The following ADAMTS15 variants were observed in gnomAD, a reference collection of about 807,000 sequenced individuals.
ADAMTS15 encodes the protein ADAM metallopeptidase with thrombospondin type 1 motif 15, also known as A disintegrin and metalloproteinase with thrombospondin motifs 15.
In ADAMTS15, 35 loss-of-function variants were observed where a neutral mutation model predicts 79.1. The observed-to-expected ratio is 0.44, with a 90% CI of 0.34 to 0.59. The LOEUF is 0.59. ADAMTS15 is among the 20% of genes least tolerant of loss of function. ADAMTS15 has a pLI of 0.02. For missense variants in ADAMTS15, 1,324 were observed against 1,318.7 expected, an observed-to-expected ratio of 1.00 and a Z score of -0.06; for synonymous variants, 616 against 567.3, an observed-to-expected ratio of 1.09 and a Z score of -1.22.
At position 130,472,388 on chromosome 11, in the gene ADAMTS15, A is replaced by G. The variant is rs182408649; in HGVS notation, c.2079-659A>G. On this transcript the variant is annotated intron_variant, in intron 7 of 7. Coordinates refer to ENST00000299164, the MANE Select transcript of ADAMTS15 (RefSeq NM_139055.4). The surrounding 1 kb of genome is among the most constrained non-coding windows in gnomAD (Gnocchi z 4.7). ...TGCAGGGACCTGTGGTGGCAAGGCC[A>G]CGTGGGGAGTGGGAGGTACATACCC... Among the ~76,000 whole-genome samples, 52 of 152,322 alleles carry G rather than the reference A, an allele frequency of 3.4e-4. No individual in the cohort carries two copies. The highest frequency in any genetic ancestry group is 2.5e-3 in the East Asian group (13 of 5,172).
chr11:130,465,267 C>T (rs549371558), intron 4 of ADAMTS15, among the ~76,000 whole-genome samples: 1 of 152,314 alleles, frequency 6.6e-6, no homozygotes, highest in African/African-American at 2.4e-5. Flanking sequence ...CACCTGTTCT[C>T]CACTGTCCCC....
intron 1 of ADAMTS15, among the ~76,000 whole-genome samples, chr11:130,456,285 T>C (rs1938078624): frequency 6.6e-6 from 1 of 152,158 alleles, no homozygotes; most frequent in South Asian, 2.1e-4. Flanking sequence ...TGATTTTTTT[T>C]TTATAGAAGA....
In ADAMTS15 at chr11:130,449,519, C is replaced by A; in HGVS notation, c.546C>A (p.Pro182=). 6.4e-7 allele frequency: 1 copy of A among 1,558,190 alleles called. No homozygotes were observed. The highest frequency in any genetic ancestry group is 2.3e-5 in the East Asian group (1 of 44,008). The stretch of plus-strand genomic sequence containing the variant: ...GCGGGGTGGCCTCGGGCTGGAACCC[C>A]GCCATCCTACGGGCCCTGGACCCTT... ...SRCGVASGWN[P]AILRALDPYK... is the part of the protein sequence containing the mutation. Residue 182 remains proline (P), a synonymous_variant, in exon 1 of 8, where the codon CCC becomes CCA. Transcript: ENST00000299164. This position sits in a 1 kb window ranked among gnomAD's most constrained non-coding sequence, Gnocchi z 7.8.
At chr11:130,458,212 C>T (rs955176228) in intron 1 of ADAMTS15, among the ~76,000 whole-genome samples, 1 of 152,048 alleles carries the variant, frequency 6.6e-6, no homozygotes, top group South Asian at 2.1e-4. Flanking sequence ...CTAGCGGTTT[C>T]TTTCTTTCTT....
chr11:130,464,976 AAAAAAAAAGAAAAAG>A (rs1938271769), intron 4 of ADAMTS15, among the ~76,000 whole-genome samples: 1 of 151,868 alleles, frequency 6.6e-6, no homozygotes, highest in Non-Finnish European at 1.5e-5. Context: ...CAAGGAAAAA[AAAAAAAAAGAAAAAG>A]AAAAAAGTAA....
Position 130,449,112 on chromosome 11 carries a change from G to T in ADAMTS15, c.139G>T (p.Asp47Tyr). The T allele has an allele frequency of 2.5e-6, 4 of 1,586,972 alleles. No individual in the cohort carries two copies. The highest frequency in any genetic ancestry group is 2.6e-6 in the Non-Finnish European group (3 of 1,162,650). Residue 47 changes from aspartate to tyrosine, a missense_variant, in exon 1 of 8, where the codon GAC (aspartate) becomes TAC (tyrosine). Physicochemically the swap from Asp to Tyr is radical, Grantham distance 160. Coordinates refer to ENST00000299164, the MANE Select transcript of ADAMTS15 (RefSeq NM_139055.4). This position sits in a 1 kb window ranked among gnomAD's most constrained non-coding sequence, Gnocchi z 7.8. ...CCGCTACTACTGGCGGGGTCCCGAG[G>T]ACTCCGGGGATCAGGGACTCATTTT... ...GRRYYWRGPE[D>Y]SGDQGLIFQI...
intron 1 of ADAMTS15, among the ~76,000 whole-genome samples, chr11:130,458,914 T>C (rs1401635115): frequency 1.3e-5 from 2 of 152,028 alleles, no homozygotes; most frequent in Non-Finnish European, 1.5e-5. Flanking sequence ...TGCAAGAGCC[T>C]TCATCCCTGC....
Position 130,462,665 on chromosome 11 carries a change from G to A in ADAMTS15, c.1427G>A (p.Gly476Glu). Residue 476 changes from glycine (G) to glutamate (E), a missense_variant, in exon 4 of 8, where the codon GGA (glycine) becomes GAA (glutamate). Transcript: ENST00000299164. This position sits in a 1 kb window ranked among gnomAD's most constrained non-coding sequence, Gnocchi z 4.3. ...CTGTGGTGCACCGGGAAGGCCAAGG[G>A]ACAGATGGTGTGCCAGACCCGCCAC... ...TKLWCTGKAK[G>E]QMVCQTRHFP... 1.1e-5 allele frequency: 18 copies of A among 1,613,664 alleles called. No individual in the cohort carries two copies. The highest frequency in any genetic ancestry group is 1.5e-5 in the Non-Finnish European group (18 of 1,179,676).
intron 5 of ADAMTS15, among the ~76,000 whole-genome samples, chr11:130,470,455 G>C (rs577308520): frequency 1.3e-5 from 2 of 151,532 alleles, no homozygotes; most frequent in Non-Finnish European, 2.9e-5. Context: ...GACCTCTGGT[G>C]ATCTGCCCGT....
intron 5 of ADAMTS15, among the ~76,000 whole-genome samples, chr11:130,470,119 C>CATATATATATATAT (rs1208986843): frequency 3.1e-5 from 2 of 64,016 alleles, no homozygotes; most frequent in African/African-American, 1.3e-4. Flanking sequence ...ATTACTGAAT[C>CATATATATATATAT]ATATATATAT....
rs763974494 is a variant in ADAMTS15, at chr11:130,469,353, A to C, written c.1634A>C (p.Asn545Thr). The C allele has an allele frequency of 4.4e-6, 6 of 1,359,218 alleles. No individual in the cohort carries two copies. The East Asian group carries it at 1.7e-4, about 38-fold the overall frequency. The allele number at this position is 1,359,218 out of a possible 1,614,324, so 84.2% of individuals were successfully genotyped here. A position where few individuals can be genotyped will look rare whatever the true frequency, so the allele number is the denominator to read the frequency against. ...GVQLARRQCT[N>T]PTPANGGKYC... ...CAGCTGGCCAGGAGGCAGTGCACCA[A>C]CCCCACCCCTGCCAACGGGGGCAAG... The change falls in exon 5 of 8, where the codon AAC becomes ACC. Residue 545 changes from asparagine to threonine, a missense_variant. Transcript: ENST00000299164.
At position 130,448,948 on chromosome 11, in the gene ADAMTS15, A is replaced by G. The variant is rs751927642; in HGVS notation, c.-26A>G. 2.6e-5 allele frequency: 39 copies of G among 1,474,972 alleles called. No homozygotes were observed. In the East Asian group the frequency reaches 9.1e-4, roughly 34 times the overall value. 91.4% of individuals were successfully genotyped at this position (1,474,972 alleles called of 1,614,324 possible). A position where few individuals can be genotyped will look rare whatever the true frequency, so the allele number is the denominator to read the frequency against. ...AGAGCCCGGCCCAGCCCCTTCCCACAGCGCGGCGGTGCGCTGCCCGGCGCC... is the reference window on the plus strand; with the variant it reads ...AGAGCCCGGCCCAGCCCCTTCCCACGGCGCGGCGGTGCGCTGCCCGGCGCC... On this transcript the variant is annotated 5_prime_UTR_variant, in exon 1 of 8. Transcript: ENST00000299164.
chr11:130,472,386 C>G lies in ADAMTS15; in HGVS notation c.2079-661C>G, dbSNP rs767526432. On this transcript the variant is annotated intron_variant, in intron 7 of 7. Transcript: ENST00000299164. The surrounding 1 kb of genome is among the most constrained non-coding windows in gnomAD (Gnocchi z 4.7). ...TTTGCAGGGACCTGTGGTGGCAAGGCCACGTGGGGAGTGGGAGGTACATAC... is the reference window on the plus strand; with the variant it reads ...TTTGCAGGGACCTGTGGTGGCAAGGGCACGTGGGGAGTGGGAGGTACATAC... 1.3e-5 allele frequency among the ~76,000 whole-genome samples: 2 copies of G among 152,158 alleles called. No homozygotes were observed. The highest frequency in any genetic ancestry group is 2.9e-5 in the Non-Finnish European group (2 of 68,028).
At chr11:130,453,970 A>T (rs539753935) in intron 1 of ADAMTS15, among the ~76,000 whole-genome samples, 1 of 152,270 alleles carries the variant, frequency 6.6e-6, no homozygotes, top group South Asian at 2.1e-4. Context: ...ATGCCTGACT[A>T]ATTAAAAAAA....
chr11:130,453,050 C>A (rs568864782), intron 1 of ADAMTS15, among the ~76,000 whole-genome samples: 9 of 151,810 alleles, frequency 5.9e-5, no homozygotes, highest in Non-Finnish European at 1.3e-4. Flanking sequence ...GCTTACAAGA[C>A]AACAGCTAAT....
intron 4 of ADAMTS15, among the ~76,000 whole-genome samples, chr11:130,465,445 A>AGG (rs982731963): frequency 3.9e-5 from 6 of 151,944 alleles, no homozygotes; most frequent in African/African-American, 1.5e-4. Context: ...TAGAATACAA[A>AGG]CCTGTTGTAA....
In ADAMTS15 at chr11:130,459,085, A is replaced by G. The variant is rs560156698; in HGVS notation, c.958-2404A>G. 5.1e-5 allele frequency among the ~76,000 whole-genome samples: 7 copies of G among 136,550 alleles called. No individual in the cohort carries two copies. The East Asian group carries it at 1.3e-3, about 25-fold the overall frequency. 89.6% of individuals were successfully genotyped at this position (136,550 alleles called of 152,430 possible). On this transcript the variant is annotated intron_variant, in intron 1 of 7. Coordinates refer to ENST00000299164, the MANE Select transcript of ADAMTS15 (RefSeq NM_139055.4). The stretch of plus-strand genomic sequence containing the variant: ...GTCTTGCTCTGTCACCCAGGCTGGA[A>G]TGCAGTGGCGTGATCACGGGTCACT...
chr11:130,461,332 C>T (rs1399744220), intron 1 of ADAMTS15, among the ~76,000 whole-genome samples, 157 bp from the exon 2 acceptor site: 1 of 152,140 alleles, frequency 6.6e-6, no homozygotes, highest in Non-Finnish European at 1.5e-5. Flanking sequence ...GCCCCACAAC[C>T]TCCTAGGAAG....
chr11:130,457,621 T>G (rs971758198), intron 1 of ADAMTS15, among the ~76,000 whole-genome samples: 1 of 152,100 alleles, frequency 6.6e-6, no homozygotes, highest in Admixed American at 6.5e-5. Context: ...GGGGCTGGGT[T>G]AGGAATACCT....
Sources: allele counts gnomAD v4.1 joint callset (sites outside exome capture counted in the v4.1 genomes callset), GRCh38; gene constraint gnomAD v4.1.1; non-coding constraint Gnocchi (gnomAD v3.1); transcripts MANE v1.5; gene names NCBI Gene and HGNC (gene_info 2026-07-23, HGNC 2026-07-21).